CDC123: variants seen among roughly 807,000 people sequenced by gnomAD.
CDC123 encodes the protein cell division cycle 123.
A neutral mutation model predicts 54.4 loss-of-function variants in CDC123; 37 were observed. The ratio of observed to expected loss-of-function variants is 0.68; its 90% CI spans 0.52 to 0.89. The LOEUF is 0.89. Ranked by LOEUF, CDC123 falls within the 40% of genes least tolerant of loss-of-function variation. CDC123 has a pLI of 0.00. For synonymous variants in CDC123, 144 were observed against 136.8 expected, an observed-to-expected ratio of 1.05 and a Z score of -0.37; for missense variants, 361 against 412.1, an observed-to-expected ratio of 0.88 and a Z score of 1.07.
In CDC123 at chr10:12,235,058, GA is replaced by G; in HGVS notation, c.504del (p.Lys168AsnfsTer5). 6.2e-7 allele frequency: 1 copy of G among 1,613,608 alleles called. No homozygotes were observed. The highest frequency in any genetic ancestry group is 2.2e-5 in the East Asian group (1 of 44,872). On this transcript the variant is annotated frameshift_variant, in exon 8 of 13. Coordinates refer to ENST00000281141, the MANE Select transcript of CDC123 (RefSeq NM_006023.3). LOFTEE classifies it high-confidence loss of function. ...DPCIEYELVL[R>X]KWCELIPGAE... ...TTCTTTTGTTTACAGCTCGTTCTCC[GA>G]AAATGGTGTGAATTGATTCCTGGGG...
chr10:12,198,196 G>GA (rs1588667097), intron 1 of CDC123, among the ~76,000 whole-genome samples: 1 of 152,174 alleles, frequency 6.6e-6, no homozygotes, highest in African/African-American at 2.4e-5. Context: ...GTGATCAGTT[G>GA]AATAGAAAGC....
chr10:12,221,217 T>C (rs1388978537), intron 6 of CDC123, among the ~76,000 whole-genome samples: 1 of 152,010 alleles, frequency 6.6e-6, no homozygotes, highest in East Asian at 1.9e-4. Flanking sequence ...AAAAAATACA[T>C]TATTTAACGA....
chr10:12,211,387 G>C (rs1172569401), intron 4 of CDC123, among the ~76,000 whole-genome samples: 1 of 152,044 alleles, frequency 6.6e-6, no homozygotes, highest in East Asian at 1.9e-4. Context: ...AGATATGATT[G>C]CCAGGATAGA....
chr10:12,197,570 GT>G (rs1293132730), intron 1 of CDC123, among the ~76,000 whole-genome samples: 26 of 151,854 alleles, frequency 1.7e-4, no homozygotes, highest in African/African-American at 4.8e-4. Context: ...TAGAGGCGGG[GT>G]TTTCACCGTG....
chr10:12,228,278 T>C (rs1045535587), intron 6 of CDC123, among the ~76,000 whole-genome samples: 12 of 152,208 alleles, frequency 7.9e-5, no homozygotes, highest in Non-Finnish European at 1.6e-4. Context: ...TTAATTATTA[T>C]TAAAATAATT....
At position 12,209,949 on chromosome 10, in the gene CDC123, T is replaced by A. The variant is rs776175315; in HGVS notation, c.147-18T>A. 1.2e-6 allele frequency: 2 copies of A among 1,613,632 alleles called. No individual in the cohort carries two copies. The highest frequency in any genetic ancestry group is 1.1e-5 in the South Asian group (1 of 91,052). ...CCCAAGTCCTTTTCTTTCTTGATGT[T>A]TGTTTGTGTTTTTTTAGGGATGATC... On this transcript the variant is annotated intron_variant, in intron 2 of 12. Coordinates refer to ENST00000281141, the MANE Select transcript of CDC123 (RefSeq NM_006023.3).
chr10:12,250,425 C>T lies in CDC123; in HGVS notation c.*88C>T, dbSNP rs377239970. The T allele has an allele frequency of 1.7e-4, 170 of 994,492 alleles. No homozygotes were observed. The African/African-American group carries it at 2.3e-3, about 13-fold the overall frequency. The allele number at this position is 994,492 out of a possible 1,614,324, so 61.6% of individuals were successfully genotyped here. A position where few individuals can be genotyped will look rare whatever the true frequency, so the allele number is the denominator to read the frequency against. On this transcript the variant is annotated 3_prime_UTR_variant, in exon 13 of 13. Transcript: ENST00000281141. ...CCGCAACTTCCTGCCGACCCTGATGCGGGTGGGCCGAGCAGTGTGGACATC... is the reference window on the plus strand; with the variant it reads ...CCGCAACTTCCTGCCGACCCTGATGTGGGTGGGCCGAGCAGTGTGGACATC...
At chr10:12,230,196 T>G (rs1251652673) in intron 6 of CDC123, among the ~76,000 whole-genome samples, 2 of 151,938 alleles carry the variant, frequency 1.3e-5, no homozygotes, top group East Asian at 1.9e-4. Flanking sequence ...TTTTGTTTTT[T>G]GGGTTTTTTT....
At chr10:12,240,236 A>G (rs1289245512) in intron 10 of CDC123, among the ~76,000 whole-genome samples, 1 of 152,180 alleles carries the variant, frequency 6.6e-6, no homozygotes, top group African/African-American at 2.4e-5. Flanking sequence ...AAGACATGTC[A>G]TCTTTATTAA....
At chr10:12,240,148 A>G (rs563347544) in intron 10 of CDC123, among the ~76,000 whole-genome samples, 1 of 152,326 alleles carries the variant, frequency 6.6e-6, no homozygotes, top group Admixed American at 6.5e-5. Flanking sequence ...CTGTAAGGAA[A>G]AAGTTAAAGT....
chr10:12,248,752 G>A (rs988185523), intron 11 of CDC123, among the ~76,000 whole-genome samples: 2 of 151,704 alleles, frequency 1.3e-5, no homozygotes, highest in African/African-American at 4.9e-5. Context: ...GTTGCGATGA[G>A]CTGAGATTGC....
chr10:12,200,452 A>G (rs1033919696), intron 2 of CDC123, among the ~76,000 whole-genome samples: 3 of 151,894 alleles, frequency 2.0e-5, no homozygotes, highest in Non-Finnish European at 4.4e-5. Flanking sequence ...ACGTGTACCT[A>G]TTTGCTTTAT....
chr10:12,244,090 C>T (rs1836096063), intron 10 of CDC123, among the ~76,000 whole-genome samples: 3 of 152,156 alleles, frequency 2.0e-5, no homozygotes, highest in South Asian at 2.1e-4. Flanking sequence ...AAACATCCTG[C>T]GACAGGCCTG....
chr10:12,244,014 C>T (rs1836094864), intron 10 of CDC123, among the ~76,000 whole-genome samples: 1 of 152,084 alleles, frequency 6.6e-6, no homozygotes, highest in Non-Finnish European at 1.5e-5. Context: ...ATTTGCAGGG[C>T]CTCTCCTGGG....
chr10:12,227,702 C>A (rs983427274), intron 6 of CDC123, among the ~76,000 whole-genome samples: 1 of 151,860 alleles, frequency 6.6e-6, no homozygotes, highest in Non-Finnish European at 1.5e-5. Context: ...TTCATCATGT[C>A]GGCCAAGCTG....
chr10:12,244,215 G>T (rs1162982617), intron 10 of CDC123, among the ~76,000 whole-genome samples: 1 of 152,234 alleles, frequency 6.6e-6, no homozygotes, highest in Non-Finnish European at 1.5e-5. Context: ...AGGCATGCTG[G>T]CTCAGCGGTC....
chr10:12,236,041 C>T (rs2131759641), intron 8 of CDC123, among the ~76,000 whole-genome samples: 1 of 152,264 alleles, frequency 6.6e-6, no homozygotes, highest in East Asian at 1.9e-4. Flanking sequence ...CGAGAGCAGG[C>T]TGTGAAGGCC....
At chr10:12,249,503 C>T in intron 11 of CDC123, 78 bp from the exon 12 acceptor site, 1 of 1,407,264 alleles carries the variant, frequency 7.1e-7, no homozygotes, top group East Asian at 2.3e-5. Flanking sequence ...AATTGTTTTG[C>T]TAGGTTCTTT....
At chr10:12,231,030 G>A (rs1381189106) in intron 7 of CDC123, 34 bp downstream of exon 7, 2 of 1,547,382 alleles carry the variant, frequency 1.3e-6, no homozygotes, top group Non-Finnish European at 1.8e-6. Context: ...AATTGTAGAT[G>A]AAGATGTGTT....
Sources: allele counts gnomAD v4.1 joint callset (sites outside exome capture counted in the v4.1 genomes callset), GRCh38; gene constraint gnomAD v4.1.1; transcripts MANE v1.5; gene names NCBI Gene and HGNC (gene_info 2026-07-23, HGNC 2026-07-21).